ST3GAL3: variants seen among roughly 807,000 people sequenced by gnomAD.
The protein encoded by ST3GAL3 is ST3 beta-galactoside alpha-2,3-sialyltransferase 3, also known as CMP-N-acetylneuraminate-beta-1,4-galactoside alpha-2,3-sialyltransferase.
A neutral mutation model predicts 50.1 loss-of-function variants in ST3GAL3; 21 were observed. That is an observed-to-expected ratio of 0.42 (90% CI 0.30 to 0.60). ST3GAL3 has a LOEUF of 0.60. Among genes scored for constraint, ST3GAL3 ranks in the 20% least tolerant of loss-of-function variants. ST3GAL3 has a pLI of 0.19. For synonymous variants in ST3GAL3, 183 were observed against 190.0 expected, an observed-to-expected ratio of 0.96 and a Z score of 0.30; for missense variants, 353 against 489.4, an observed-to-expected ratio of 0.72 and a Z score of 2.63.
At chr1:43,761,644 C>CT (rs1690368821) in intron 2 of ST3GAL3, among the ~76,000 whole-genome samples, 1 of 151,902 alleles carries the variant, frequency 6.6e-6, no homozygotes, top group South Asian at 2.1e-4. Flanking sequence ...TGGTTAAAAA[C>CT]TTTCATTAAA....
rs762034742 is a variant in ST3GAL3 at position 43,809,602 on chromosome 1, C to T, written c.167-5289C>T. ...GTCCTAGCTACTCAGGAGGCTGAGG[C>T]AGGAAGATTGCTTGAGCCCAGAAGT... On this transcript the variant is annotated intron_variant, in intron 3 of 11. Transcript: ENST00000347631. Among the ~76,000 whole-genome samples the T allele has an allele frequency of 4.7e-4, 72 of 152,034 alleles. 1 individual carries two copies. The highest frequency in any genetic ancestry group is 9.0e-4 in the Non-Finnish European group (61 of 67,996).
chr1:43,746,250 T>C (rs1323270844), intron 2 of ST3GAL3, among the ~76,000 whole-genome samples: 1 of 152,320 alleles, frequency 6.6e-6, no homozygotes, highest in East Asian at 1.9e-4. Flanking sequence ...TACTGTAAGA[T>C]TCCTCTTATA....
At chr1:43,825,141 G>C (rs2062620056) in intron 4 of ST3GAL3, among the ~76,000 whole-genome samples, 1 of 152,158 alleles carries the variant, frequency 6.6e-6, no homozygotes. Flanking sequence ...TAATATGTCA[G>C]GGTCAAGAAC....
intron 3 of ST3GAL3, among the ~76,000 whole-genome samples, chr1:43,794,806 T>C (rs2058500511): frequency 6.6e-6 from 1 of 152,118 alleles, no homozygotes; most frequent in East Asian, 1.9e-4. Flanking sequence ...GTGAAAGAAG[T>C]CAGACAAAAC....
At chr1:43,918,773 G>A (rs1435540395) in intron 9 of ST3GAL3, among the ~76,000 whole-genome samples, 2 of 151,998 alleles carry the variant, frequency 1.3e-5, no homozygotes, top group African/African-American at 4.8e-5. Context: ...TGTTAAACCT[G>A]TACATTAATC....
In ST3GAL3 at chr1:43,748,423, A is replaced by ATTT. The variant is rs1215322512; in HGVS notation, c.118+12064_118+12066dup. Reference sequence around the variant, plus strand: ...ACTTAATATTGTTAAAACAGCCCCCATTTTTTTTTTTTTTTTTTTTTTTGA... The same window carrying ATTT: ...ACTTAATATTGTTAAAACAGCCCCCATTTTTTTTTTTTTTTTTTTTTTTTTTGA... On this transcript the variant is annotated intron_variant, in intron 2 of 11. Coordinates refer to ENST00000347631, the MANE Select transcript of ST3GAL3 (RefSeq NM_006279.5). 5.9e-3 allele frequency among the ~76,000 whole-genome samples: 661 copies of ATTT among 111,096 alleles called. 2 individuals carry two copies. The highest frequency in any genetic ancestry group is 6.9e-3 in the Non-Finnish European group (389 of 56,060). 72.9% of individuals were successfully genotyped at this position (111,096 alleles called of 152,430 possible). A position where few individuals can be genotyped will look rare whatever the true frequency, so the allele number is the denominator to read the frequency against.
intron 9 of ST3GAL3, chr1:43,913,776 C>T (rs2081332627): frequency 1.3e-5 from 2 of 152,304 alleles, no homozygotes; most frequent in Admixed American, 1.3e-4. Flanking sequence ...GGGATCGTGA[C>T]CTAAAACAGG....
chr1:43,779,695 G>A (rs1572707551), intron 2 of ST3GAL3, among the ~76,000 whole-genome samples: 1 of 152,186 alleles, frequency 6.6e-6, no homozygotes, highest in East Asian at 1.9e-4. Context: ...CTTCTAATAC[G>A]GTTAGAGCAA....
intron 2 of ST3GAL3, among the ~76,000 whole-genome samples, chr1:43,783,454 G>A (rs1466088782): frequency 6.6e-6 from 1 of 152,094 alleles, no homozygotes; most frequent in Admixed American, 6.6e-5. Context: ...CTCTGATTGG[G>A]CTGTCTTTCA....
intron 5 of ST3GAL3, chr1:43,879,283 G>C: frequency 2.2e-6 from 1 of 456,246 alleles, no homozygotes; most frequent in Non-Finnish European, 4.4e-6. Flanking sequence ...GGTGAGGTGA[G>C]ACGTGAGCAT....
chr1:43,759,063 GCGCACACACACACACACA>G (rs1375588932), intron 2 of ST3GAL3, among the ~76,000 whole-genome samples: 4 of 132,434 alleles, frequency 3.0e-5, no homozygotes, highest in Non-Finnish European at 4.7e-5. Flanking sequence ...ACAAAAGCGC[GCGCACACACACACACACA>G]CACACACACA....
Position 43,802,337 on chromosome 1 carries a change from A to G in ST3GAL3, c.166+10188A>G, listed in dbSNP as rs1385027352. ...GTTGAAATTATATTTTAAAAATCCA[A>G]CAGTTCTTCCTTTTCCTTAATCAAA... On this transcript the variant is annotated intron_variant, in intron 3 of 11. Transcript: ENST00000347631. Among the ~76,000 whole-genome samples the G allele has an allele frequency of 1.3e-5, 2 of 152,258 alleles. 1 individual carries two copies. The highest frequency in any genetic ancestry group is 1.3e-4 in the Admixed American group (2 of 15,282).
intron 5 of ST3GAL3, among the ~76,000 whole-genome samples, chr1:43,847,816 A>G (rs2066503523): frequency 6.6e-6 from 1 of 152,214 alleles, no homozygotes; most frequent in African/African-American, 2.4e-5. Context: ...AACATTTTAA[A>G]AGTTTTTTTA....
intron 3 of ST3GAL3, among the ~76,000 whole-genome samples, chr1:43,805,896 C>T (rs983569683): frequency 2.0e-5 from 3 of 152,220 alleles, no homozygotes; most frequent in Admixed American, 6.5e-5. Context: ...CCACCACACC[C>T]GGCTAATTTT....
At chr1:43,829,402 T>C (rs1257613543) in intron 4 of ST3GAL3, among the ~76,000 whole-genome samples, 1 of 152,216 alleles carries the variant, frequency 6.6e-6, no homozygotes, top group Non-Finnish European at 1.5e-5. Context: ...TTCCCAAATA[T>C]ATCTTACAAA....
chr1:43,884,168 C>T (rs2075601772), intron 5 of ST3GAL3, among the ~76,000 whole-genome samples: 1 of 152,164 alleles, frequency 6.6e-6, no homozygotes, highest in African/African-American at 2.4e-5. Context: ...CCGTGTTTTC[C>T]AGCTCCATCT....
At position 43,794,101 on chromosome 1, in the gene ST3GAL3, A is replaced by G. The variant is rs1050139192; in HGVS notation, c.166+1952A>G. Among the ~76,000 whole-genome samples, 7 of 151,652 alleles carry G rather than the reference A, an allele frequency of 4.6e-5. No individual in the cohort carries two copies. The South Asian group carries it at 1.0e-3, about 22-fold the overall frequency. Reference sequence around the variant, plus strand: ...CCTGTCTCTGGAAAAAAAAAAAAAAAAAGAAGGAAAAAAGAGAGAGAGTGA... The same window carrying G: ...CCTGTCTCTGGAAAAAAAAAAAAAAGAAGAAGGAAAAAAGAGAGAGAGTGA... On this transcript the variant is annotated intron_variant, in intron 3 of 11. Coordinates refer to ENST00000347631, the MANE Select transcript of ST3GAL3 (RefSeq NM_006279.5).
At chr1:43,774,149 TG>T (rs1356845106) in intron 2 of ST3GAL3, among the ~76,000 whole-genome samples, 4 of 152,098 alleles carry the variant, frequency 2.6e-5, no homozygotes, top group African/African-American at 7.2e-5. Flanking sequence ...AAGACATACT[TG>T]GGGGGGCAAT....
Position 43,857,556 on chromosome 1 carries a change from TTTCC to T in ST3GAL3, c.302+19253_302+19256del, listed in dbSNP as rs1450546330. Among the ~76,000 whole-genome samples the T allele has an allele frequency of 3.2e-5, 3 of 93,908 alleles. No homozygotes were observed. The East Asian group carries it at 1.3e-3, about 41-fold the overall frequency. The allele number at this position is 93,908 out of a possible 152,430, so 61.6% of individuals were successfully genotyped here. ...TTCCCTCCCTCCCTCCCTTCCTTCCTTTCCTTCCTTCTTTCTTTCCTTCCTCCCT... is the reference window on the plus strand; with the variant it reads ...TTCCCTCCCTCCCTCCCTTCCTTCCTTTCCTTCTTTCTTTCCTTCCTCCCT... On this transcript the variant is annotated intron_variant, in intron 5 of 11. Coordinates refer to ENST00000347631, the MANE Select transcript of ST3GAL3 (RefSeq NM_006279.5).
Sources: gnomAD v4.1 joint callset for allele counts (sites outside exome capture counted in the v4.1 genomes callset) on GRCh38, gnomAD v4.1.1 for gene constraint, MANE v1.5 for transcripts, NCBI Gene and HGNC (gene_info 2026-07-23, HGNC 2026-07-21) for gene names.